KIZ: variants seen among roughly 807,000 people sequenced by gnomAD.
KIZ encodes the protein centrosomal protein kizuna.
In KIZ, 68 loss-of-function variants were observed where a neutral mutation model predicts 79.6. The ratio of observed to expected loss-of-function variants is 0.85; its 90% confidence interval spans 0.70 to 1.05. The LOEUF is 1.05. KIZ is among the 50% of genes least tolerant of loss of function. The probability of loss-of-function intolerance (pLI) is 0.00; values close to 1 mark genes in which losing one functional copy is unlikely to be tolerated. For synonymous variants in KIZ, 280 were observed against 281.8 expected (o/e 0.99, Z 0.06); for missense variants, 797 against 800.4 (o/e 1.00, Z 0.05).
chr20:21,159,744 C>G (rs1156599196), intron 4 of KIZ, among the ~76,000 whole-genome samples: 1 of 152,222 alleles, frequency 6.6e-6, no homozygotes, highest in Non-Finnish European at 1.5e-5. Flanking sequence ...GAATGTATTA[C>G]ATTTTATCTA....
intron 9 of KIZ, 86 bp downstream of exon 9, chr20:21,215,734 C>A: frequency 1.2e-6 from 1 of 810,450 alleles, no homozygotes; most frequent in South Asian, 1.6e-5. Context: ...GGTTTGTGGA[C>A]CCCACTAAGA....
At chr20:21,236,423 C>T (rs890796163) in intron 11 of KIZ, among the ~76,000 whole-genome samples, 6 of 152,108 alleles carry the variant, frequency 3.9e-5, no homozygotes, top group African/African-American at 9.7e-5. Context: ...TACTGATTTC[C>T]ACTAGCAGTC....
rs16982597 is a variant in KIZ at position 21,215,704 on chromosome 20, G to T, written c.1678+56G>T. On this transcript the variant is annotated intron_variant, in intron 9 of 12. Coordinates refer to ENST00000619189, the MANE Select transcript of KIZ (RefSeq NM_018474.6). ...CACAAGATTTAGCATTATTATATAA[G>T]CGGAACATTTTGGGTCAGTGGTTTG... 3,997 of 1,244,328 alleles carry T rather than the reference G, an allele frequency of 3.2e-3. 96 individuals are homozygous for T. In the African/African-American group the frequency reaches 0.051, roughly 16 times the overall value. The allele number at this position is 1,244,328 out of a possible 1,614,324, so 77.1% of individuals were successfully genotyped here.
At chr20:21,191,192 A>G (rs950686080) in intron 6 of KIZ, among the ~76,000 whole-genome samples, 3 of 152,248 alleles carry the variant, frequency 2.0e-5, no homozygotes, top group Admixed American at 2.0e-4. Flanking sequence ...CTAGGTATCC[A>G]TCTCATGCAT....
At chr20:21,193,395 A>G (rs1278854334) in intron 6 of KIZ, among the ~76,000 whole-genome samples, 1 of 152,168 alleles carries the variant, frequency 6.6e-6, no homozygotes, top group Non-Finnish European at 1.5e-5. Context: ...AGTAATTCTC[A>G]GTTTGCAATT....
chr20:21,229,195 A>G lies in KIZ; in HGVS notation c.1783+80A>G, dbSNP rs2036757673. On this transcript the variant is annotated intron_variant, in intron 10 of 12. Coordinates refer to ENST00000619189, the MANE Select transcript of KIZ (RefSeq NM_018474.6). ...GTTCGGGGAAGGGTGGTTATTCTTT[A>G]TGAAGGTTTCTGGAGTTTGCTCTGT... 7 of 792,668 alleles carry G rather than the reference A, an allele frequency of 8.8e-6. No individual in the cohort carries two copies. In the Admixed American group the frequency reaches 9.8e-5, roughly 11 times the overall value. The allele number at this position is 792,668 out of a possible 1,614,324, so 49.1% of individuals were successfully genotyped here. A position where few individuals can be genotyped will look rare whatever the true frequency, so the allele number is the denominator to read the frequency against.
intron 3 of KIZ, among the ~76,000 whole-genome samples, chr20:21,141,833 T>A (rs1410474903): frequency 1.0e-4 from 15 of 146,824 alleles, no homozygotes; most frequent in African/African-American, 3.8e-4. Flanking sequence ...ACTCTCTCTC[T>A]CTCTCTCTCT....
intron 11 of KIZ, chr20:21,233,063 C>G: frequency 1.9e-6 from 1 of 533,298 alleles, no homozygotes. Flanking sequence ...TCAATTGACA[C>G]CTCAGTGAAC....
intron 3 of KIZ, among the ~76,000 whole-genome samples, chr20:21,140,961 G>A (rs1315040656): frequency 6.6e-6 from 1 of 152,012 alleles, no homozygotes; most frequent in African/African-American, 2.4e-5. Context: ...AGCTATGATG[G>A]TGACACTGCA....
Position 21,214,789 on chromosome 20 carries a change from A to G in KIZ, c.1612+89A>G, listed in dbSNP as rs2123297526. The stretch of plus-strand genomic sequence containing the variant: ...AAGGTACACCTATAGAATATCACTG[A>G]CTAGTGAATACCTCTGATTTTAATA... On this transcript the variant is annotated intron_variant, in intron 8 of 12. Transcript: ENST00000619189. 4 of 739,164 alleles carry G rather than the reference A, an allele frequency of 5.4e-6. No individual in the cohort carries two copies. In the Middle Eastern group the frequency reaches 7.3e-4, roughly 135 times the overall value. 45.8% of individuals were successfully genotyped at this position (739,164 alleles called of 1,614,324 possible).
intron 3 of KIZ, among the ~76,000 whole-genome samples, chr20:21,138,118 A>T (rs1036001892): frequency 6.6e-6 from 1 of 152,178 alleles, no homozygotes; most frequent in African/African-American, 2.4e-5. Context: ...CACTTCTCCC[A>T]AAAAGTAACT....
chr20:21,192,850 C>A (rs1454114597), intron 6 of KIZ, among the ~76,000 whole-genome samples: 1 of 152,240 alleles, frequency 6.6e-6, no homozygotes, highest in Admixed American at 6.5e-5. Flanking sequence ...GGGACAAAGT[C>A]TGTGTGGCCT....
chr20:21,182,627 C>T (rs2034702360), intron 6 of KIZ, among the ~76,000 whole-genome samples: 2 of 152,000 alleles, frequency 1.3e-5, no homozygotes, highest in South Asian at 4.1e-4. Flanking sequence ...GAAACCCTAT[C>T]TCTACTAAAA....
At chr20:21,140,389 G>A (rs1157871223) in intron 3 of KIZ, among the ~76,000 whole-genome samples, 1 of 152,224 alleles carries the variant, frequency 6.6e-6, no homozygotes, top group Non-Finnish European at 1.5e-5. Context: ...ACCAAGTGAA[G>A]CAGTGTGAGA....
At chr20:21,146,540 C>CT (rs1307825907) in intron 4 of KIZ, among the ~76,000 whole-genome samples, 1 of 152,194 alleles carries the variant, frequency 6.6e-6, no homozygotes, top group African/African-American at 2.4e-5. Flanking sequence ...TACTAAAAGA[C>CT]TTTCAGGTTT....
At chr20:21,126,303 CG>C in intron 1 of KIZ, 99 bp downstream of exon 1, 1 of 845,090 alleles carries the variant, frequency 1.2e-6, no homozygotes, top group Non-Finnish European at 1.7e-6. Flanking sequence ...CGAGGTTCCC[CG>C]GGGCCCAGGC....
intron 6 of KIZ, among the ~76,000 whole-genome samples, chr20:21,201,039 A>G (rs562385399): frequency 6.6e-6 from 1 of 151,946 alleles, no homozygotes; most frequent in Non-Finnish European, 1.5e-5. Flanking sequence ...AAAAATTAGC[A>G]AAGTGTGGTG....
intron 11 of KIZ, among the ~76,000 whole-genome samples, chr20:21,234,523 G>A (rs2036938383): frequency 6.6e-6 from 1 of 151,972 alleles, no homozygotes; most frequent in African/African-American, 2.4e-5. Flanking sequence ...CCTGGGCTTT[G>A]GAGAGCTCCA....
chr20:21,174,241 ACT>A (rs1276357480), intron 6 of KIZ, among the ~76,000 whole-genome samples: 1 of 152,198 alleles, frequency 6.6e-6, no homozygotes, highest in Admixed American at 6.5e-5. Context: ...CGTGCCAGGC[ACT>A]GTTTTAACAC....
Sources: allele counts gnomAD v4.1 joint callset (sites outside exome capture counted in the v4.1 genomes callset), GRCh38; gene constraint gnomAD v4.1.1; transcripts MANE v1.5; gene names NCBI Gene and HGNC (gene_info 2026-07-23, HGNC 2026-07-21).